ITGBL1: variants seen among roughly 807,000 people sequenced by gnomAD.
ITGBL1 encodes the protein integrin beta-like protein 1.
In ITGBL1, 51 loss-of-function variants were observed where a neutral mutation model predicts 68.5. That is an observed-to-expected ratio of 0.74 (90% CI 0.59 to 0.94). ITGBL1 has a LOEUF of 0.94. ITGBL1 is among the 40% of genes least tolerant of loss of function. The pLI is 0.00. For synonymous variants in ITGBL1, 209 were observed against 227.3 expected, an observed-to-expected ratio of 0.92 and a Z score of 0.72; for missense variants, 649 against 647.4, an observed-to-expected ratio of 1.00 and a Z score of -0.03.
At position 101,692,665 on chromosome 13, in the gene ITGBL1, C is replaced by T. The variant is rs1405523166; in HGVS notation, c.1096C>T (p.Arg366Cys). ...VYGKTCECDD[R>C]RCEDLDGVVC... Reference sequence around the variant, plus strand: ...TGGCAAGACTTGTGAGTGTGATGATCGCCGCTGTGAAGACCTCGATGGTGT... The same window carrying T: ...TGGCAAGACTTGTGAGTGTGATGATTGCCGCTGTGAAGACCTCGATGGTGT... Residue 366 changes from arginine (R) to cysteine (C), a missense_variant, in exon 8 of 11, where the codon CGC (arginine) becomes TGC (cysteine). Coordinates refer to ENST00000376180, the MANE Select transcript of ITGBL1 (RefSeq NM_004791.3). 15 of 1,613,458 alleles carry T rather than the reference C, an allele frequency of 9.3e-6. No individual in the cohort carries two copies. The highest frequency in any genetic ancestry group is 1.7e-4 in the Middle Eastern group (1 of 6,058).
At chr13:101,597,015 C>T (rs2030011975) in intron 6 of ITGBL1, among the ~76,000 whole-genome samples, 1 of 152,130 alleles carries the variant, frequency 6.6e-6, no homozygotes, top group Non-Finnish European at 1.5e-5. Context: ...TATATGTTTA[C>T]TCACACTCAT....
chr13:101,493,018 A>G (rs1227359320), intron 2 of ITGBL1, among the ~76,000 whole-genome samples: 1 of 152,216 alleles, frequency 6.6e-6, no homozygotes, highest in Non-Finnish European at 1.5e-5. Flanking sequence ...AGCATGTAGT[A>G]GATGTTGTAC....
intron 7 of ITGBL1, among the ~76,000 whole-genome samples, chr13:101,671,718 G>A (rs1407347421): frequency 1.3e-5 from 2 of 152,090 alleles, no homozygotes; most frequent in Non-Finnish European, 2.9e-5. Flanking sequence ...GATTACAGGC[G>A]TGAGCCACCG....
At chr13:101,642,513 T>C (rs1220100926) in intron 7 of ITGBL1, among the ~76,000 whole-genome samples, 1 of 152,222 alleles carries the variant, frequency 6.6e-6, no homozygotes, top group African/African-American at 2.4e-5. Flanking sequence ...TTTTGTAGGT[T>C]GCCTGTTCAC....
intron 2 of ITGBL1, among the ~76,000 whole-genome samples, chr13:101,468,796 A>T (rs1179968686): frequency 6.6e-6 from 1 of 152,228 alleles, no homozygotes; most frequent in African/African-American, 2.4e-5. Flanking sequence ...AGCCGAAATC[A>T]CTGGGACAAA....
chr13:101,530,308 A>G (rs187360670), intron 2 of ITGBL1, among the ~76,000 whole-genome samples: 4 of 152,296 alleles, frequency 2.6e-5, no homozygotes, highest in Admixed American at 6.5e-5. Flanking sequence ...ATCAAATTAC[A>G]TTTTCACTTT....
intron 7 of ITGBL1, among the ~76,000 whole-genome samples, chr13:101,599,996 C>T (rs547714237): frequency 2.0e-5 from 3 of 152,164 alleles, no homozygotes; most frequent in African/African-American, 4.8e-5. Context: ...AGATTGATGG[C>T]GATGGCATTG....
Position 101,458,864 on chromosome 13 carries a change from G to T in ITGBL1, c.316+4764G>T, listed in dbSNP as rs887303618. Reference sequence around the variant, plus strand: ...ACAGATATGGAGGCCCGACCGTATGGTGCCCAAAAGCATGGCAAGTTAAAG... The same window carrying T: ...ACAGATATGGAGGCCCGACCGTATGTTGCCCAAAAGCATGGCAAGTTAAAG... On this transcript the variant is annotated intron_variant, in intron 2 of 10. Coordinates refer to ENST00000376180, the MANE Select transcript of ITGBL1 (RefSeq NM_004791.3). Among the ~76,000 whole-genome samples the T allele has an allele frequency of 4.6e-5, 7 of 152,160 alleles. 1 individual carries two copies. Among genetic ancestry groups the T allele is most frequent in the Non-Finnish European group, 7.3e-5 (5 of 68,028 alleles).
intron 2 of ITGBL1, among the ~76,000 whole-genome samples, chr13:101,478,382 A>AT (rs1027454253): frequency 6.6e-6 from 1 of 152,106 alleles, no homozygotes; most frequent in African/African-American, 2.4e-5. Flanking sequence ...TATCATACTG[A>AT]TTGGGGAAAA....
rs1555356247 is a variant in ITGBL1, at chr13:101,525,526, GT to G, written c.317-42162del. Among the ~76,000 whole-genome samples, 69 of 107,104 alleles carry G rather than the reference GT, an allele frequency of 6.4e-4. No homozygotes were observed. In the East Asian group the frequency reaches 0.017, roughly 26 times the overall value. 70.3% of individuals were successfully genotyped at this position (107,104 alleles called of 152,430 possible). A position where few individuals can be genotyped will look rare whatever the true frequency, so the allele number is the denominator to read the frequency against. The stretch of plus-strand genomic sequence containing the variant: ...TACTCTGCAGAAACACAGGCACCTT[GT>G]TTTTTTTTTTATGTGGAAAAAATTA... On this transcript the variant is annotated intron_variant, in intron 2 of 10. Coordinates refer to ENST00000376180, the MANE Select transcript of ITGBL1 (RefSeq NM_004791.3).
At chr13:101,540,034 T>C (rs1392526436) in intron 2 of ITGBL1, among the ~76,000 whole-genome samples, 1 of 152,246 alleles carries the variant, frequency 6.6e-6, no homozygotes, top group East Asian at 1.9e-4. Context: ...CTTATTTTGC[T>C]GTGCAGAAGC....
chr13:101,597,821 G>A (rs903667057), intron 6 of ITGBL1, among the ~76,000 whole-genome samples: 1 of 151,910 alleles, frequency 6.6e-6, no homozygotes, highest in Non-Finnish European at 1.5e-5. Flanking sequence ...CAAAGTGCTG[G>A]GATTATAGAC....
intron 7 of ITGBL1, among the ~76,000 whole-genome samples, chr13:101,659,954 C>T (rs1333141818): frequency 6.6e-6 from 1 of 152,080 alleles, no homozygotes; most frequent in East Asian, 1.9e-4. Flanking sequence ...CTTCTGGGTT[C>T]CTCAATAACA....
intron 2 of ITGBL1, among the ~76,000 whole-genome samples, chr13:101,454,662 G>A (rs963310299): frequency 3.9e-5 from 6 of 152,150 alleles, no homozygotes; most frequent in African/African-American, 1.4e-4. Flanking sequence ...TTTTACATAG[G>A]AAACAGTGGG....
Position 101,454,104 on chromosome 13 carries a change from A to T in ITGBL1, c.316+4A>T. The T allele has an allele frequency of 6.5e-7, 1 of 1,547,772 alleles. No individual in the cohort carries two copies. Among genetic ancestry groups the T allele is most frequent in the Non-Finnish European group, 8.7e-7 (1 of 1,144,598 alleles). ...TACGACGGGAGCACCTGTGCAGGTA[A>T]GAGGGCGGCGCTGTCTCCTCCCTCG... On this transcript the variant is annotated splice_donor_region_variant and intron_variant, in intron 2 of 10. Transcript: ENST00000376180.
At chr13:101,697,183 G>T (rs1221245018) in intron 8 of ITGBL1, among the ~76,000 whole-genome samples, 1 of 151,062 alleles carries the variant, frequency 6.6e-6, no homozygotes, top group Non-Finnish European at 1.5e-5. Flanking sequence ...CTCATCTTTA[G>T]ATATCAGGTC....
At chr13:101,714,374 T>C in intron 9 of ITGBL1, 64 bp from the exon 10 acceptor site, 1 of 941,124 alleles carries the variant, frequency 1.1e-6, no homozygotes, top group Non-Finnish European at 1.8e-6. Flanking sequence ...GTCAACGATA[T>C]TCTATTCGAG....
chr13:101,568,006 A>G (rs1028230527), intron 3 of ITGBL1, among the ~76,000 whole-genome samples, 161 bp downstream of exon 3: 4 of 152,082 alleles, frequency 2.6e-5, no homozygotes, highest in South Asian at 2.1e-4. Flanking sequence ...AAAAAATGCC[A>G]TCTTGCTGAG....
chr13:101,638,107 G>C (rs1378950955), intron 7 of ITGBL1, among the ~76,000 whole-genome samples: 1 of 152,146 alleles, frequency 6.6e-6, no homozygotes, highest in African/African-American at 2.4e-5. Context: ...CACAACTGCA[G>C]AGTTTTTTGA....
Sources: allele counts gnomAD v4.1 joint callset (sites outside exome capture counted in the v4.1 genomes callset), GRCh38; gene constraint gnomAD v4.1.1; transcripts MANE v1.5; gene names NCBI Gene and HGNC (gene_info 2026-07-23, HGNC 2026-07-21).